The following ESRP1 variants were observed in gnomAD, a reference collection of about 807,000 sequenced individuals.
ESRP1 encodes the protein RNA-binding motif protein 35A.
In ESRP1, 33 loss-of-function variants were observed where a neutral mutation model predicts 81.7. The ratio of observed to expected loss-of-function variants is 0.40; its 90% CI spans 0.31 to 0.54. ESRP1 has a LOEUF of 0.54. Among genes scored for constraint, ESRP1 ranks in the 20% least tolerant of loss-of-function variants. ESRP1 has a pLI of 0.41. For missense variants in ESRP1, 672 were observed against 833.1 expected (o/e 0.81, Z 2.38); for synonymous variants, 320 against 303.3 (o/e 1.06, Z -0.57).
Position 94,662,271 on chromosome 8 carries a change from G to A in ESRP1, c.491-1G>A. The A allele has an allele frequency of 6.5e-7, 1 of 1,540,350 alleles. No homozygotes were observed. The highest frequency in any genetic ancestry group is 8.8e-7 in the Non-Finnish European group (1 of 1,134,102). On this transcript the variant is annotated splice_acceptor_variant, in intron 4 of 15. Transcript: ENST00000433389. LOFTEE classifies it high-confidence loss of function. Reference sequence around the variant, plus strand: ...AGTGTTTCCTTAATTTAATCTCACAGATTTAAATTTTGAGAAGAGTAGTTC... The same window carrying A: ...AGTGTTTCCTTAATTTAATCTCACAAATTTAAATTTTGAGAAGAGTAGTTC...
At chr8:94,674,732 T>A (rs1819505672) in intron 12 of ESRP1, among the ~76,000 whole-genome samples, 1 of 152,212 alleles carries the variant, frequency 6.6e-6, no homozygotes, top group Admixed American at 6.5e-5. Context: ...ATATTCCTGC[T>A]TTTCCAGTGA....
intron 15 of ESRP1, among the ~76,000 whole-genome samples, chr8:94,699,766 C>G (rs1344842143): frequency 6.6e-6 from 1 of 152,120 alleles, no homozygotes; most frequent in Non-Finnish European, 1.5e-5. Context: ...GAATTTGGAA[C>G]AGAGAGACAG....
intron 3 of ESRP1, among the ~76,000 whole-genome samples, chr8:94,645,445 AAAC>A (rs1817800819): frequency 6.6e-6 from 1 of 151,942 alleles, no homozygotes; most frequent in Non-Finnish European, 1.5e-5. Flanking sequence ...AAAACAAAGG[AAAC>A]AATAGTGTAA....
Position 94,671,543 on chromosome 8 carries a change from A to T in ESRP1, c.1324A>T (p.Asn442Tyr). ...ACCTCAGCAATTTGTGCCCCCTACA[A>T]ATGTTAGAGACTGTATACGCCTTCG... is the stretch of plus-strand genomic sequence containing the variant. ...VLPQQFVPPTNVRDCIRLRGL... is the reference protein window; with the variant it reads ...VLPQQFVPPTYVRDCIRLRGL... The change falls in exon 11 of 16, where the codon AAT becomes TAT. Residue 442 changes from asparagine (N) to tyrosine (Y), a missense_variant. Asn to Tyr is a moderately radical substitution (Grantham distance 143). Transcript: ENST00000433389. The T allele has an allele frequency of 6.2e-7, 1 of 1,613,814 alleles. No homozygotes were observed. The highest frequency in any genetic ancestry group is 8.5e-7 in the Non-Finnish European group (1 of 1,179,852).
chr8:94,677,381 A>T (rs1454866452), intron 12 of ESRP1, among the ~76,000 whole-genome samples: 1 of 152,202 alleles, frequency 6.6e-6, no homozygotes, highest in Non-Finnish European at 1.5e-5. Context: ...TGGCCCGGAT[A>T]GTTGTGTTCA....
At chr8:94,660,258 G>A (rs1818649828) in intron 4 of ESRP1, among the ~76,000 whole-genome samples, 1 of 152,176 alleles carries the variant, frequency 6.6e-6, no homozygotes, top group African/African-American at 2.4e-5. Context: ...TGACTTTTAA[G>A]TTAAAGCTAA....
intron 4 of ESRP1, among the ~76,000 whole-genome samples, chr8:94,647,119 T>G (rs750210562): frequency 3.3e-5 from 5 of 152,216 alleles, no homozygotes; most frequent in Non-Finnish European, 5.9e-5. Context: ...AAAACCTGGT[T>G]TTTGTGTTAC....
At chr8:94,662,912 CTTGT>C (rs1200297807) in intron 6 of ESRP1, among the ~76,000 whole-genome samples, 3 of 152,130 alleles carry the variant, frequency 2.0e-5, no homozygotes, top group Admixed American at 2.0e-4. Context: ...CGGCCTTTAA[CTTGT>C]TTTTGTTCAT....
At chr8:94,671,988 G>C (rs539875726) in intron 11 of ESRP1, among the ~76,000 whole-genome samples, 1 of 152,092 alleles carries the variant, frequency 6.6e-6, no homozygotes, top group South Asian at 2.1e-4. Context: ...ATTCAGCTTT[G>C]ATTTCTTCAT....
chr8:94,682,115 A>C (rs1260535226), intron 13 of ESRP1, among the ~76,000 whole-genome samples: 1 of 152,128 alleles, frequency 6.6e-6, no homozygotes, highest in Admixed American at 6.5e-5. Context: ...AGTATTTAGA[A>C]GGGCTTTCTA....
chr8:94,650,772 G>A (rs1021657140), intron 4 of ESRP1, among the ~76,000 whole-genome samples: 1 of 150,330 alleles, frequency 6.7e-6, no homozygotes, highest in African/African-American at 2.4e-5. Context: ...GAGTGCAGGG[G>A]CGCGATCTTG....
intron 1 of ESRP1, chr8:94,641,717 G>A (rs2303452): frequency 0.37 from 258,098 of 694,268 alleles, 51,694 homozygotes; most frequent in East Asian, 0.59. Flanking sequence ...ACGCTCCGCC[G>A]AGACGAGGTG....
intron 10 of ESRP1, 178 bp downstream of exon 10, chr8:94,668,428 C>T (rs1819131759): frequency 1.8e-6 from 1 of 541,016 alleles, no homozygotes; most frequent in Non-Finnish European, 3.2e-6. Context: ...CCTGTACACA[C>T]ACACAACACA....
chr8:94,643,484 T>A, intron 3 of ESRP1, 68 bp downstream of exon 3: 1 of 1,061,796 alleles, frequency 9.4e-7, no homozygotes, highest in South Asian at 1.4e-5. Flanking sequence ...TTTAAAAATT[T>A]TTGGTTTATT....
At chr8:94,653,802 G>GAT (rs10651120) in intron 4 of ESRP1, among the ~76,000 whole-genome samples, 45,873 of 150,708 alleles carry the variant, frequency 0.3, 8,227 homozygotes, top group East Asian at 0.55. Context: ...GTATGAAAGG[G>GAT]ATATATATAT....
chr8:94,670,801 CTG>C (rs1819278789), intron 10 of ESRP1, among the ~76,000 whole-genome samples: 3 of 152,220 alleles, frequency 2.0e-5, no homozygotes, highest in Admixed American at 2.0e-4. Flanking sequence ...TGTCTTACCA[CTG>C]TCTCAAATTC....
intron 13 of ESRP1, among the ~76,000 whole-genome samples, chr8:94,691,348 A>C (rs750642875): frequency 2.1e-4 from 32 of 152,240 alleles, no homozygotes; most frequent in Non-Finnish European, 4.3e-4. Context: ...TGCTTTAGCA[A>C]CATAGAAGGT....
intron 13 of ESRP1, among the ~76,000 whole-genome samples, chr8:94,685,804 AAAAC>A (rs1809116389): frequency 6.6e-6 from 1 of 152,108 alleles, no homozygotes; most frequent in Non-Finnish European, 1.5e-5. Context: ...AAAACCAACA[AAAAC>A]AAAACAATGG....
intron 3 of ESRP1, among the ~76,000 whole-genome samples, chr8:94,645,875 G>A (rs941841972): frequency 6.6e-6 from 1 of 152,072 alleles, no homozygotes; most frequent in Non-Finnish European, 1.5e-5. Context: ...AAAATATGAA[G>A]TATAACAGCA....
Sources: gnomAD v4.1 joint callset for allele counts (sites outside exome capture counted in the v4.1 genomes callset) on GRCh38, gnomAD v4.1.1 for gene constraint, MANE v1.5 for transcripts, NCBI Gene and HGNC (gene_info 2026-07-23, HGNC 2026-07-21) for gene names.